PAG1: variants seen among roughly 807,000 people sequenced by gnomAD.
PAG1 encodes the protein phosphoprotein membrane anchor with glycosphingolipid microdomains 1, also known as phosphoprotein associated with glycosphingolipid-enriched microdomains 1.
In PAG1, 23 loss-of-function variants were observed where a neutral mutation model predicts 31.7. The observed-to-expected ratio is 0.73, with a 90% CI of 0.52 to 1.03. The LOEUF (loss-of-function observed/expected upper bound fraction) is 1.03, where lower values mean the gene tolerates loss of function less well. Among genes scored for constraint, PAG1 ranks in the 50% least tolerant of loss-of-function variants. The probability of loss-of-function intolerance (pLI) is 0.00; values close to 1 mark genes in which losing one functional copy is unlikely to be tolerated. For missense variants in PAG1, 473 were observed against 540.7 expected (o/e 0.87, Z 1.24); for synonymous variants, 214 against 210.3 (o/e 1.02, Z -0.15).
At chr8:81,019,579 G>C (rs1332399955) in intron 3 of PAG1, among the ~76,000 whole-genome samples, 1 of 152,262 alleles carries the variant, frequency 6.6e-6, no homozygotes, top group Non-Finnish European at 1.5e-5. Context: ...CTTACACATG[G>C]TGTTGGGCCT....
chr8:81,071,575 T>C (rs917916328), intron 1 of PAG1, among the ~76,000 whole-genome samples: 2 of 152,234 alleles, frequency 1.3e-5, no homozygotes, highest in African/African-American at 2.4e-5. Flanking sequence ...TTGGGAATAG[T>C]ACTTGTTCAA....
chr8:81,050,912 GA>G (rs1808717789), intron 2 of PAG1, among the ~76,000 whole-genome samples: 1 of 152,202 alleles, frequency 6.6e-6, no homozygotes, highest in African/African-American at 2.4e-5. Context: ...CAGTCTTACA[GA>G]ATTGAACAAG....
intron 2 of PAG1, among the ~76,000 whole-genome samples, chr8:81,052,441 T>G (rs1808749185): frequency 6.6e-6 from 1 of 152,220 alleles, no homozygotes; most frequent in Non-Finnish European, 1.5e-5. Context: ...CTTACTTTTT[T>G]TCTTCTAAGT....
intron 3 of PAG1, among the ~76,000 whole-genome samples, chr8:80,995,574 G>T (rs1807656885): frequency 6.6e-6 from 1 of 152,188 alleles, no homozygotes; most frequent in African/African-American, 2.4e-5. Flanking sequence ...TTTATACACA[G>T]GTCCAAAGCA....
intron 3 of PAG1, among the ~76,000 whole-genome samples, chr8:81,029,345 GTCTCTC>G (rs71918703): frequency 5.4e-5 from 8 of 149,432 alleles, no homozygotes; most frequent in African/African-American, 2.0e-4. Context: ...TCCTTCTTTG[GTCTCTC>G]TCTCTCTCTC....
intron 2 of PAG1, among the ~76,000 whole-genome samples, chr8:81,051,538 A>T (rs1808728298): frequency 6.6e-6 from 1 of 152,218 alleles, no homozygotes; most frequent in Admixed American, 6.5e-5. Flanking sequence ...TCATTCCAAA[A>T]ATTCAGTCAT....
At chr8:81,062,306 T>C (rs563750024) in intron 2 of PAG1, among the ~76,000 whole-genome samples, 68 of 152,364 alleles carry the variant, frequency 4.5e-4, no homozygotes, top group African/African-American at 1.5e-3. Flanking sequence ...TCACACTTGT[T>C]TTCTGCAAAC....
intron 1 of PAG1, among the ~76,000 whole-genome samples, chr8:81,090,691 G>A (rs1430871684): frequency 2.0e-5 from 3 of 152,214 alleles, no homozygotes; most frequent in Non-Finnish European, 4.4e-5. Flanking sequence ...CCTGAAGAGG[G>A]AAGTCAGCTG....
At chr8:81,046,749 CG>C (rs1332215461) in intron 2 of PAG1, among the ~76,000 whole-genome samples, 1 of 151,954 alleles carries the variant, frequency 6.6e-6, no homozygotes, top group African/African-American at 2.4e-5. Context: ...CACAGGTAAA[CG>C]TGTGCCATGG....
At chr8:81,081,714 A>G (rs1809269159) in intron 1 of PAG1, among the ~76,000 whole-genome samples, 1 of 151,330 alleles carries the variant, frequency 6.6e-6, no homozygotes, top group South Asian at 2.1e-4. Context: ...TTCACACAGC[A>G]TGGCTCTCTG....
intron 3 of PAG1, among the ~76,000 whole-genome samples, chr8:81,013,490 C>A (rs1041612346): frequency 2.6e-5 from 4 of 152,204 alleles, no homozygotes; most frequent in Admixed American, 6.5e-5. Context: ...AATGGTGCCA[C>A]CTTCAGCTAG....
At chr8:81,017,754 C>T (rs1355378297) in intron 3 of PAG1, among the ~76,000 whole-genome samples, 1 of 152,176 alleles carries the variant, frequency 6.6e-6, no homozygotes, top group Non-Finnish European at 1.5e-5. Context: ...TCAACTTTGG[C>T]TGCATATTCA....
chr8:81,098,357 T>C (rs1331711729), intron 1 of PAG1, among the ~76,000 whole-genome samples: 4 of 152,222 alleles, frequency 2.6e-5, no homozygotes, highest in Non-Finnish European at 1.5e-5. Flanking sequence ...GCTGTGTGGG[T>C]CCACTACAGA....
chr8:81,093,173 C>T (rs1232424319), intron 1 of PAG1, among the ~76,000 whole-genome samples: 1 of 152,176 alleles, frequency 6.6e-6, no homozygotes, highest in Non-Finnish European at 1.5e-5. Context: ...GAGAACAGAA[C>T]TGACTGTATG....
intron 3 of PAG1, among the ~76,000 whole-genome samples, chr8:81,012,092 G>A (rs1392859823): frequency 1.3e-5 from 2 of 152,146 alleles, no homozygotes; most frequent in Non-Finnish European, 2.9e-5. Flanking sequence ...AGCTTGAGAT[G>A]GGAGGTACAT....
At chr8:80,989,603 T>C (rs1807496962) in intron 5 of PAG1, among the ~76,000 whole-genome samples, 1 of 152,180 alleles carries the variant, frequency 6.6e-6, no homozygotes, top group Admixed American at 6.5e-5. Context: ...ATGAATTATA[T>C]GGTGGATGAG....
chr8:81,081,343 GTTA>G (rs1242606414), intron 1 of PAG1, among the ~76,000 whole-genome samples: 3 of 151,966 alleles, frequency 2.0e-5, no homozygotes, highest in Non-Finnish European at 4.4e-5. Context: ...ATTTTTAAAA[GTTA>G]TTTTTTAAAT....
At chr8:81,090,327 A>G (rs1397391528) in intron 1 of PAG1, among the ~76,000 whole-genome samples, 1 of 152,216 alleles carries the variant, frequency 6.6e-6, no homozygotes, top group Non-Finnish European at 1.5e-5. Flanking sequence ...TGCTTTCTAT[A>G]TATTAGCTCT....
At chr8:80,981,862 CTTTTTTTTTTT>C (rs57438015) in intron 7 of PAG1, among the ~76,000 whole-genome samples, 3 of 103,430 alleles carry the variant, frequency 2.9e-5, no homozygotes, top group African/African-American at 1.5e-4. Context: ...ATCTCACTTC[CTTTTTTTTTTT>C]TTTTTTTTTT....
Sources: allele counts gnomAD v4.1 joint callset (sites outside exome capture counted in the v4.1 genomes callset), GRCh38; gene constraint gnomAD v4.1.1; transcripts MANE v1.5; gene names NCBI Gene and HGNC (gene_info 2026-07-23, HGNC 2026-07-21).